WWOX: variants seen among roughly 807,000 people sequenced by gnomAD.
WWOX encodes WW domain-containing oxidoreductase.
WWOX carries 69 observed loss-of-function variants against 46.2 expected under a neutral mutation model. The observed-to-expected ratio is 1.49, with a 90% CI of 1.23 to 1.82. The LOEUF (loss-of-function observed/expected upper bound fraction) is 1.82. Ranked by LOEUF, WWOX falls within the 40% of genes most tolerant of loss-of-function variation. The probability of loss-of-function intolerance (pLI) is 0.00; values close to 1 mark genes in which losing one functional copy is unlikely to be tolerated. For missense variants in WWOX, 919 were observed against 542.6 expected (o/e 1.69, Z -6.89); for synonymous variants, 359 against 202.6 (o/e 1.77, Z -6.56).
chr16:79,150,307 A>C (rs1480948063), intron 8 of WWOX, among the ~76,000 whole-genome samples: 19 of 151,888 alleles, frequency 1.3e-4, no homozygotes, highest in Non-Finnish European at 1.0e-4. Flanking sequence ...TAAACAAGGG[A>C]TTTCACCTCT....
chr16:79,035,380 A>G (rs904255378), intron 8 of WWOX, among the ~76,000 whole-genome samples: 5 of 152,184 alleles, frequency 3.3e-5, no homozygotes, highest in Non-Finnish European at 7.4e-5. Context: ...GGCCAACCCC[A>G]TTAGACAGTG....
chr16:78,915,878 G>C (rs534872090), intron 8 of WWOX, among the ~76,000 whole-genome samples: 8 of 152,234 alleles, frequency 5.3e-5, no homozygotes, highest in African/African-American at 1.4e-4. Context: ...GCTCAAAGAA[G>C]AAAAATAGAA....
chr16:78,922,737 T>C (rs2151271745), intron 8 of WWOX, among the ~76,000 whole-genome samples: 1 of 152,240 alleles, frequency 6.6e-6, no homozygotes, highest in East Asian at 1.9e-4. Flanking sequence ...AACTTTCCCA[T>C]TTACAGAGAA....
At chr16:78,898,816 G>A (rs879594799) in intron 8 of WWOX, 3 of 152,070 alleles carry the variant, frequency 2.0e-5, no homozygotes, top group Admixed American at 6.5e-5. Context: ...GATTTTGAAT[G>A]TGGAGGTCTT....
intron 8 of WWOX, among the ~76,000 whole-genome samples, chr16:79,053,619 C>T (rs1397735333): frequency 6.6e-6 from 1 of 152,150 alleles, no homozygotes; most frequent in Non-Finnish European, 1.5e-5. Context: ...ATATTCCGAT[C>T]ACTTTAATTT....
At chr16:78,737,761 A>G in intron 8 of WWOX, among the ~76,000 whole-genome samples, 1 of 151,902 alleles carries the variant, frequency 6.6e-6, no homozygotes, top group Non-Finnish European at 1.5e-5. Context: ...TTTCTTCCTC[A>G]CCTGATTTCC....
intron 8 of WWOX, among the ~76,000 whole-genome samples, chr16:78,983,473 A>G (rs1462840971): frequency 6.6e-6 from 1 of 152,246 alleles, no homozygotes; most frequent in African/African-American, 2.4e-5. Context: ...CTTTTCTAAT[A>G]GGAAAGACCA....
intron 8 of WWOX, among the ~76,000 whole-genome samples, chr16:78,713,273 C>CAAAAAAA (rs5818165): frequency 5.9e-5 from 1 of 17,048 alleles, no homozygotes; most frequent in African/African-American, 1.4e-4. Flanking sequence ...GACTCTGTCT[C>CAAAAAAA]AAAAAAAAAA....
chr16:78,211,710 G>C (rs1427916707), intron 5 of WWOX, among the ~76,000 whole-genome samples: 1 of 152,222 alleles, frequency 6.6e-6, no homozygotes, highest in Non-Finnish European at 1.5e-5. Flanking sequence ...TTCAGGGTGA[G>C]AATGAATAAC....
chr16:78,458,192 A>G (rs1376970431), intron 8 of WWOX, among the ~76,000 whole-genome samples: 2 of 150,860 alleles, frequency 1.3e-5, no homozygotes, highest in Non-Finnish European at 2.9e-5. Flanking sequence ...TGCCCTACAT[A>G]CTGTTTTATT....
intron 8 of WWOX, among the ~76,000 whole-genome samples, chr16:79,190,904 A>T (rs1022009312): frequency 6.6e-6 from 1 of 152,168 alleles, no homozygotes; most frequent in African/African-American, 2.4e-5. Context: ...TTAGACAGCT[A>T]ATTAGTTGGT....
intron 8 of WWOX, among the ~76,000 whole-genome samples, chr16:78,830,983 T>C (rs1391647265): frequency 6.6e-6 from 1 of 152,182 alleles, no homozygotes; most frequent in Non-Finnish European, 1.5e-5. Context: ...CATGTTCTTT[T>C]AAAGGGCACT....
chr16:78,586,797 A>G (rs1163318887), intron 8 of WWOX, among the ~76,000 whole-genome samples: 2 of 152,180 alleles, frequency 1.3e-5, no homozygotes, highest in Admixed American at 6.6e-5. Flanking sequence ...TGTGCCCAGT[A>G]TCATCTATGT....
chr16:79,052,487 G>C (rs1210463355), intron 8 of WWOX, among the ~76,000 whole-genome samples: 2 of 152,188 alleles, frequency 1.3e-5, no homozygotes, highest in Non-Finnish European at 2.9e-5. Context: ...GCACACATAT[G>C]TTTATTGCGG....
intron 5 of WWOX, chr16:78,264,352 G>A (rs1197982476): frequency 1.3e-5 from 2 of 152,162 alleles, no homozygotes; most frequent in African/African-American, 4.8e-5. Flanking sequence ...CTCAGGAGAT[G>A]TCAGCCTTTT....
intron 6 of WWOX, among the ~76,000 whole-genome samples, chr16:78,398,905 G>A (rs2082349270): frequency 6.6e-6 from 1 of 152,192 alleles, no homozygotes; most frequent in African/African-American, 2.4e-5. Context: ...ATCATCCTTT[G>A]CAATTATTAC....
chr16:79,189,799 AG>A (rs949467320), intron 8 of WWOX, among the ~76,000 whole-genome samples: 52 of 149,176 alleles, frequency 3.5e-4, no homozygotes, highest in Middle Eastern at 3.5e-3. Flanking sequence ...TCCCGGTGGG[AG>A]GGGGGGGATA....
chr16:78,590,273 G>A (rs2045321378), intron 8 of WWOX, among the ~76,000 whole-genome samples: 2 of 152,128 alleles, frequency 1.3e-5, no homozygotes, highest in South Asian at 2.1e-4. Context: ...GTCTGGTGAG[G>A]GCTGCTTTCT....
At chr16:78,878,650 G>C (rs1473691533) in intron 8 of WWOX, among the ~76,000 whole-genome samples, 1 of 152,082 alleles carries the variant, frequency 6.6e-6, no homozygotes, top group African/African-American at 2.4e-5. Flanking sequence ...TGCATGTGAG[G>C]GTTCTGTAAA....
Sources: allele counts gnomAD v4.1 joint callset (sites outside exome capture counted in the v4.1 genomes callset), GRCh38; gene constraint gnomAD v4.1.1; transcripts MANE v1.5; gene names NCBI Gene and HGNC (gene_info 2026-07-23, HGNC 2026-07-21).